Variants in PTPN12 observed in about 807,000 individuals in gnomAD.
The protein encoded by PTPN12 is protein tyrosine phosphatase non-receptor type 12, also known as tyrosine-protein phosphatase non-receptor type 12.
PTPN12 carries 29 observed loss-of-function variants against 97.6 expected under a neutral mutation model. The ratio of observed to expected loss-of-function variants is 0.30; its 90% CI spans 0.22 to 0.41. The LOEUF is 0.41. PTPN12 is among the 10% of genes least tolerant of loss of function. PTPN12 has a pLI of 1.00. For synonymous variants in PTPN12, 327 were observed against 300.4 expected (o/e 1.09, Z -0.91); for missense variants, 819 against 926.0 (o/e 0.88, Z 1.50).
intron 8 of PTPN12, among the ~76,000 whole-genome samples, chr7:77,605,664 G>A (rs1026540756): frequency 4.0e-5 from 6 of 151,306 alleles, no homozygotes; most frequent in Non-Finnish European, 8.8e-5. Flanking sequence ...CAGGTGATCC[G>A]CCCTCCTTGG....
intron 8 of PTPN12, among the ~76,000 whole-genome samples, chr7:77,602,138 G>T (rs1323978201): frequency 3.3e-5 from 5 of 151,576 alleles, no homozygotes. Flanking sequence ...TTGGGGGAAT[G>T]AACATGAGAT....
chr7:77,569,076 T>C (rs1002839307), intron 1 of PTPN12, among the ~76,000 whole-genome samples: 1 of 152,140 alleles, frequency 6.6e-6, no homozygotes, highest in African/African-American at 2.4e-5. Context: ...AGTCATACAA[T>C]CCAAAAGATA....
At chr7:77,625,563 CTCTTTTTTTTTTT>C (rs1267286301) in intron 12 of PTPN12, among the ~76,000 whole-genome samples, 1 of 27,784 alleles carries the variant, frequency 3.6e-5, no homozygotes, top group South Asian at 1.8e-3. Context: ...CGCTCTCTCT[CTCTTTTTTTTTTT>C]TTTTTTTTTT....
chr7:77,589,597 T>C (rs1787801180), intron 5 of PTPN12, among the ~76,000 whole-genome samples: 1 of 152,184 alleles, frequency 6.6e-6, no homozygotes, highest in Non-Finnish European at 1.5e-5. Context: ...TCAGTTATAT[T>C]ACATAAATAA....
chr7:77,627,211 CAGA>C lies in PTPN12; in HGVS notation c.1537_1539del (p.Glu513del). 1 of 1,614,108 alleles carries C rather than the reference CAGA, an allele frequency of 6.2e-7. No individual in the cohort carries two copies. Among genetic ancestry groups the C allele is most frequent in the African/African-American group, 1.3e-5 (1 of 75,028 alleles). ...TCAAACAAAGTTTCAGTTACTCCAC[CAGA>C]AGAATCCCAGAATTCAGACACACCT... is the stretch of plus-strand genomic sequence containing the variant. On this transcript the variant is annotated inframe_deletion, in exon 13 of 18. Transcript: ENST00000248594.
At chr7:77,564,760 T>TTTTTTG (rs1808180400) in intron 1 of PTPN12, among the ~76,000 whole-genome samples, 1 of 99,922 alleles carries the variant, frequency 1.0e-5, no homozygotes, top group African/African-American at 3.8e-5. Context: ...TTTTTTTTTT[T>TTTTTTG]TTTTTTTTTT....
intron 7 of PTPN12, 112 bp downstream of exon 7, chr7:77,598,013 A>G: frequency 1.4e-6 from 2 of 1,396,664 alleles, no homozygotes; most frequent in Non-Finnish European, 1.9e-6. Context: ...GGGTGACTTG[A>G]GTCCAGGGGT....
intron 8 of PTPN12, among the ~76,000 whole-genome samples, chr7:77,602,659 G>A (rs1788228228): frequency 6.6e-6 from 1 of 151,732 alleles, no homozygotes; most frequent in Admixed American, 6.6e-5. Flanking sequence ...TATAATATGG[G>A]TGATACAGGA....
At chr7:77,621,593 C>T (rs1057217212) in intron 12 of PTPN12, among the ~76,000 whole-genome samples, 19 of 151,918 alleles carry the variant, frequency 1.3e-4, no homozygotes, top group African/African-American at 4.1e-4. Context: ...TGCTTGAACC[C>T]GGGAAGTGGA....
chr7:77,607,443 G>T (rs1788410723), intron 9 of PTPN12, 142 bp downstream of exon 9: 4 of 640,574 alleles, frequency 6.2e-6, no homozygotes, highest in African/African-American at 3.8e-5. Context: ...AGAAATAAAG[G>T]TAGTGAAGGC....
At chr7:77,537,741 G>A (rs1327285754) in intron 1 of PTPN12, 96 bp downstream of exon 1, 5 of 1,308,858 alleles carry the variant, frequency 3.8e-6, no homozygotes, top group Non-Finnish European at 5.1e-6. Context: ...GTACCTCTGT[G>A]AGGAGAGGGG....
intron 15 of PTPN12, 68 bp downstream of exon 15, chr7:77,635,917 G>T: frequency 9.2e-7 from 1 of 1,084,148 alleles, no homozygotes; most frequent in South Asian, 1.6e-5. Flanking sequence ...TAATCTTGCA[G>T]TTGTTGAAAT....
Position 77,618,564 on chromosome 7 carries a change from A to C in PTPN12, c.1024A>C (p.Ser342Arg). 6.3e-7 allele frequency: 1 copy of C among 1,592,772 alleles called. No homozygotes were observed. The highest frequency in any genetic ancestry group is 1.1e-5 in the South Asian group (1 of 90,146). The change falls in exon 12 of 18, where the codon AGT (serine) becomes CGT (arginine). Residue 342 changes from serine to arginine, a missense_variant and splice_region_variant. Physicochemically the swap from Ser to Arg is moderately radical, Grantham distance 110. Coordinates refer to ENST00000248594, the MANE Select transcript of PTPN12 (RefSeq NM_002835.4). ...TCCTCCAAAACCACCAAGGACCCGCAGGTATTGTATGTCTTCGAACATTTT... is the reference window on the plus strand; with the variant it reads ...TCCTCCAAAACCACCAAGGACCCGCCGGTATTGTATGTCTTCGAACATTTT... ...SPPPKPPRTR[S>R]CLVEGDAKEE...
chr7:77,595,577 TGCA>T, intron 6 of PTPN12, among the ~76,000 whole-genome samples: 1 of 152,210 alleles, frequency 6.6e-6, no homozygotes, highest in Non-Finnish European at 1.5e-5. Flanking sequence ...CACATCTATA[TGCA>T]TTAATTTATG....
chr7:77,539,435 GAAA>G (rs567735064), intron 1 of PTPN12, among the ~76,000 whole-genome samples: 283 of 152,206 alleles, frequency 1.9e-3, no homozygotes, highest in Non-Finnish European at 2.7e-3. Context: ...AAGGGTTAAG[GAAA>G]ACGGCATTTT....
intron 1 of PTPN12, among the ~76,000 whole-genome samples, chr7:77,553,599 A>G (rs1471854717): frequency 1.3e-5 from 2 of 152,188 alleles, no homozygotes; most frequent in Admixed American, 6.5e-5. Context: ...GAAATTAATA[A>G]CTAGTCTCAT....
chr7:77,571,056 TTTTTA>T lies in PTPN12; in HGVS notation c.100-18_100-14del, dbSNP rs1176739197. 2 of 1,467,720 alleles carry T rather than the reference TTTTTA, an allele frequency of 1.4e-6. No individual in the cohort carries two copies. The highest frequency in any genetic ancestry group is 1.8e-6 in the Non-Finnish European group (2 of 1,088,866). The allele number at this position is 1,467,720 out of a possible 1,614,324, so 90.9% of individuals were successfully genotyped here. The stretch of plus-strand genomic sequence containing the variant: ...ATATCACTGTTTCTCTAAACTTTAA[TTTTTA>T]TTTGTTGTATTTTAAGCGGTTAAGA... On this transcript the variant is annotated splice_polypyrimidine_tract_variant and intron_variant, in intron 1 of 17. Coordinates refer to ENST00000248594, the MANE Select transcript of PTPN12 (RefSeq NM_002835.4).
chr7:77,588,698 A>G (rs568840116), intron 5 of PTPN12, among the ~76,000 whole-genome samples: 37 of 152,300 alleles, frequency 2.4e-4, no homozygotes, highest in African/African-American at 8.4e-4. Context: ...ACTTAACAAT[A>G]ATTAATTAGG....
chr7:77,636,866 G>A, intron 15 of PTPN12, 152 bp from the exon 16 acceptor site: 2 of 554,052 alleles, frequency 3.6e-6, no homozygotes, highest in African/African-American at 1.9e-5. Flanking sequence ...AAAATTTTAA[G>A]CCTAATTAAA....
Sources: allele counts gnomAD v4.1 joint callset (sites outside exome capture counted in the v4.1 genomes callset), GRCh38; gene constraint gnomAD v4.1.1; transcripts MANE v1.5; gene names NCBI Gene and HGNC (gene_info 2026-07-23, HGNC 2026-07-21).